SLC49A4: variants seen among roughly 807,000 people sequenced by gnomAD.
SLC49A4 encodes the protein solute carrier family 49 member 4.
In SLC49A4, 36 loss-of-function variants were observed where a neutral mutation model predicts 50.6. That is an observed-to-expected ratio of 0.71 (90% confidence interval 0.55 to 0.94). The LOEUF is 0.94. Among genes scored for constraint, SLC49A4 ranks in the 40% least tolerant of loss-of-function variants. The probability of loss-of-function intolerance (pLI) is 0.00; values close to 1 mark genes in which losing one functional copy is unlikely to be tolerated. For missense variants in SLC49A4, 503 were observed against 605.7 expected, an observed-to-expected ratio of 0.83 and a Z score of 1.78; for synonymous variants, 248 against 241.2, an observed-to-expected ratio of 1.03 and a Z score of -0.26.
At chr3:122,828,831 T>C (rs1275471502) in intron 3 of SLC49A4, among the ~76,000 whole-genome samples, 1 of 152,196 alleles carries the variant, frequency 6.6e-6, no homozygotes, top group Non-Finnish European at 1.5e-5. Context: ...TTTTAAACTT[T>C]ATTTTGGTCA....
At chr3:122,800,553 G>A (rs769292632) in intron 1 of SLC49A4, among the ~76,000 whole-genome samples, 3 of 150,850 alleles carry the variant, frequency 2.0e-5, no homozygotes, top group African/African-American at 5.0e-5. Flanking sequence ...TATTAATGCA[G>A]CATCCTAACA....
intron 7 of SLC49A4, among the ~76,000 whole-genome samples, chr3:122,861,193 C>G (rs1305966383): frequency 6.6e-6 from 1 of 152,036 alleles, no homozygotes; most frequent in Admixed American, 6.6e-5. Context: ...AACCTTAGTC[C>G]CATTTCAACC....
intron 4 of SLC49A4, among the ~76,000 whole-genome samples, chr3:122,834,684 C>G (rs1021579574): frequency 3.3e-5 from 5 of 151,222 alleles, no homozygotes; most frequent in African/African-American, 1.2e-4. Flanking sequence ...AAAACCAAAG[C>G]CAGCAGAAAA....
At chr3:122,848,779 T>C (rs1936889188) in intron 5 of SLC49A4, among the ~76,000 whole-genome samples, 1 of 152,206 alleles carries the variant, frequency 6.6e-6, no homozygotes, top group African/African-American at 2.4e-5. Flanking sequence ...GTAAGAGTGC[T>C]ATCCACCTCA....
chr3:122,860,952 C>T (rs1334988107), intron 7 of SLC49A4, among the ~76,000 whole-genome samples: 1 of 152,146 alleles, frequency 6.6e-6, no homozygotes, highest in Non-Finnish European at 1.5e-5. Flanking sequence ...AGAGGTCACC[C>T]ACATTCCTTG....
chr3:122,856,173 C>T (rs1309349039), intron 5 of SLC49A4, 134 bp from the exon 6 acceptor site: 1 of 733,736 alleles, frequency 1.4e-6, no homozygotes, highest in Non-Finnish European at 2.3e-6. Context: ...TGTTTGTATA[C>T]ATTAGTTACA....
intron 1 of SLC49A4, 53 bp from the exon 2 acceptor site, chr3:122,806,804 C>T: frequency 9.8e-7 from 1 of 1,024,692 alleles, no homozygotes. Flanking sequence ...TTATTTTTAA[C>T]ATTGGACTTA....
intron 5 of SLC49A4, among the ~76,000 whole-genome samples, chr3:122,847,271 G>A (rs1936866125): frequency 1.3e-5 from 2 of 151,414 alleles, no homozygotes; most frequent in Non-Finnish European, 1.5e-5. Context: ...CTGCCTACTA[G>A]AACAAAAGCC....
intron 3 of SLC49A4, among the ~76,000 whole-genome samples, chr3:122,832,737 T>A (rs1461919563): frequency 6.6e-6 from 1 of 152,260 alleles, no homozygotes; most frequent in Non-Finnish European, 1.5e-5. Context: ...TCAGTCTTTT[T>A]ATCTGTGTGC....
At chr3:122,835,240 T>C (rs527422351) in intron 4 of SLC49A4, among the ~76,000 whole-genome samples, 1 of 152,136 alleles carries the variant, frequency 6.6e-6, no homozygotes, top group East Asian at 1.9e-4. Context: ...CAAAACCAGA[T>C]TGAGAAAGAG....
chr3:122,879,542 G>GTAA lies in SLC49A4; in HGVS notation c.*172_*174dup. On this transcript the variant is annotated 3_prime_UTR_variant, in exon 9 of 9. Transcript: ENST00000261038. ...ATCACATTAATTTAATTACTACTAG[G>GTAA]TAATAATAATGGGAGACTTGAGTGA... is the stretch of plus-strand genomic sequence containing the variant. 1 of 556,752 alleles carries GTAA rather than the reference G, an allele frequency of 1.8e-6. No individual in the cohort carries two copies. The highest frequency in any genetic ancestry group is 3.1e-6 in the Non-Finnish European group (1 of 317,756). The allele number at this position is 556,752 out of a possible 1,614,324, so 34.5% of individuals were successfully genotyped here. A position where few individuals can be genotyped will look rare whatever the true frequency, so the allele number is the denominator to read the frequency against.
At chr3:122,835,732 A>G (rs1936674431) in intron 4 of SLC49A4, among the ~76,000 whole-genome samples, 2 of 152,226 alleles carry the variant, frequency 1.3e-5, no homozygotes, top group African/African-American at 4.8e-5. Context: ...TCAGTTCGAA[A>G]GTACTAGAAG....
At chr3:122,811,480 T>C (rs1936297894) in intron 2 of SLC49A4, among the ~76,000 whole-genome samples, 1 of 152,242 alleles carries the variant, frequency 6.6e-6, no homozygotes, top group African/African-American at 2.4e-5. Flanking sequence ...GTGAGCAGTT[T>C]GGGGCATCAT....
intron 1 of SLC49A4, 33 bp downstream of exon 1, chr3:122,795,568 C>T: frequency 5.1e-6 from 8 of 1,565,278 alleles, no homozygotes; most frequent in Non-Finnish European, 6.9e-6. Context: ...CCCGCGCTGT[C>T]TCTCCTCCGG....
chr3:122,839,005 T>TA (rs1936731777), intron 4 of SLC49A4, among the ~76,000 whole-genome samples: 1 of 152,168 alleles, frequency 6.6e-6, no homozygotes, highest in African/African-American at 2.4e-5. Flanking sequence ...AAGGGTATAG[T>TA]TACTAAAACA....
At chr3:122,872,626 C>T (rs767982142) in intron 8 of SLC49A4, 29 bp downstream of exon 8, 8 of 1,499,566 alleles carry the variant, frequency 5.3e-6, no homozygotes, top group Non-Finnish European at 7.2e-6. Context: ...TATTTACTAT[C>T]TAAATGTGTT....
At chr3:122,877,212 G>A (rs910396938) in intron 8 of SLC49A4, among the ~76,000 whole-genome samples, 1 of 152,140 alleles carries the variant, frequency 6.6e-6, no homozygotes, top group African/African-American at 2.4e-5. Context: ...AGTGGTTTAT[G>A]TGAATGGTTT....
Position 122,795,369 on chromosome 3 carries a change from G to T in SLC49A4, c.177G>T (p.Ser59=). 1 of 1,595,356 alleles carries T rather than the reference G, an allele frequency of 6.3e-7. No homozygotes were observed. ...GRRWLVLLLF[S]LLAFVQGLVW... is the part of the protein sequence containing the mutation. ...GCTGGCTGGTGCTGCTGCTCTTCTC[G>T]CTGCTGGCGTTCGTTCAGGGCCTGG... Residue 59 remains serine, a synonymous_variant, in exon 1 of 9, where the codon TCG becomes TCT. Coordinates refer to ENST00000261038, the MANE Select transcript of SLC49A4 (RefSeq NM_032839.3).
chr3:122,859,558 C>G (rs906034820), intron 6 of SLC49A4, among the ~76,000 whole-genome samples: 2 of 152,090 alleles, frequency 1.3e-5, no homozygotes, highest in Admixed American at 1.3e-4. Flanking sequence ...CTTAAAAACT[C>G]AGAATCAACT....
Sources: gnomAD v4.1 joint callset for allele counts (sites outside exome capture counted in the v4.1 genomes callset) on GRCh38, gnomAD v4.1.1 for gene constraint, MANE v1.5 for transcripts, NCBI Gene and HGNC (gene_info 2026-07-23, HGNC 2026-07-21) for gene names.